The following HMCN2 variants were observed in gnomAD, a reference collection of about 807,000 sequenced individuals.
HMCN2 encodes the protein hemicentin-2.
A neutral mutation model predicts 377.5 loss-of-function variants in HMCN2; 325 were observed. That is an observed-to-expected ratio of 0.86 (90% CI 0.79 to 0.94). The LOEUF is 0.94. HMCN2 is among the 40% of genes least tolerant of loss of function. The pLI, the probability that HMCN2 is intolerant of heterozygous loss-of-function variation, is 0.00. For synonymous variants in HMCN2, 2,007 were observed against 2,046.8 expected (o/e 0.98, Z 0.53); for missense variants, 4,543 against 4,725.3 (o/e 0.96, Z 1.13).
intron 22 of HMCN2, among the ~76,000 whole-genome samples, chr9:130,337,184 C>T (rs1224495417): frequency 4.6e-5 from 7 of 152,194 alleles, no homozygotes; most frequent in Admixed American, 3.9e-4. Context: ...AGCCCAGCTG[C>T]AGGAGCCTGG....
chr9:130,386,575 C>T, intron 61 of HMCN2, 51 bp downstream of exon 61: 4 of 1,190,242 alleles, frequency 3.4e-6, no homozygotes, highest in Non-Finnish European at 4.5e-6. Flanking sequence ...CCTAGCAACA[C>T]CCAGGGCTGC....
Position 130,408,874 on chromosome 9 carries a change from C to A in HMCN2, c.12820C>A (p.Arg4274=), listed in dbSNP as rs749069853. 1 of 1,289,654 alleles carries A rather than the reference C, an allele frequency of 7.8e-7. No homozygotes were observed. Among genetic ancestry groups the A allele is most frequent in the South Asian group, 1.2e-5 (1 of 81,032 alleles). 79.9% of individuals were successfully genotyped at this position (1,289,654 alleles called of 1,614,324 possible). Residue 4274 remains arginine, a synonymous_variant, in exon 84 of 98, where the codon CGG becomes AGG. Transcript: ENST00000683500. ...IHWIKDGLPL[R]GSHLRHQLQN... is the part of the protein sequence containing the mutation. ...CTGGATCAAAGATGGCCTTCCACTG[C>A]GGGGCAGCCACCTCCGGCACCAGCT... is the stretch of plus-strand genomic sequence containing the variant.
intron 92 of HMCN2, among the ~76,000 whole-genome samples, chr9:130,427,943 A>G (rs991581386): frequency 6.6e-6 from 1 of 152,164 alleles, no homozygotes; most frequent in Non-Finnish European, 1.5e-5. Context: ...ATCATTTCCA[A>G]TTGACTGAGA....
At chr9:130,409,402 GC>G (rs1843292360) in intron 84 of HMCN2, among the ~76,000 whole-genome samples, 1 of 152,272 alleles carries the variant, frequency 6.6e-6, no homozygotes, top group South Asian at 2.1e-4. Flanking sequence ...TGTTTCCAAA[GC>G]CTTGGGCCCT....
intron 4 of HMCN2, among the ~76,000 whole-genome samples, chr9:130,288,917 G>T (rs1588177800): frequency 6.6e-6 from 1 of 152,326 alleles, no homozygotes; most frequent in East Asian, 1.9e-4. Context: ...GTCAGAGGCA[G>T]GCAACGTGGC....
At chr9:130,418,142 C>T (rs1176330887) in intron 85 of HMCN2, among the ~76,000 whole-genome samples, 1 of 152,224 alleles carries the variant, frequency 6.6e-6, no homozygotes, top group African/African-American at 2.4e-5. Flanking sequence ...AGCAGTCTAA[C>T]TGTCCTATAG....
At chr9:130,410,831 G>A (rs1464794724) in intron 85 of HMCN2, among the ~76,000 whole-genome samples, 179 bp downstream of exon 85, 1 of 152,140 alleles carries the variant, frequency 6.6e-6, no homozygotes, top group Non-Finnish European at 1.5e-5. Context: ...CTGAGACTCA[G>A]GACTGAGCTA....
chr9:130,429,953 AG>A, intron 94 of HMCN2: 1 of 627,896 alleles, frequency 1.6e-6, no homozygotes. Context: ...GAATTTCAGG[AG>A]GGGGAGGACT....
At chr9:130,335,728 G>A (rs1361114714) in intron 22 of HMCN2, among the ~76,000 whole-genome samples, 1 of 151,876 alleles carries the variant, frequency 6.6e-6, no homozygotes, top group African/African-American at 2.4e-5. Flanking sequence ...TTGGCTCGAG[G>A]TCAGCCTGTA....
At chr9:130,395,889 G>C in intron 71 of HMCN2, 35 bp from the exon 72 acceptor site, 1 of 1,275,510 alleles carries the variant, frequency 7.8e-7, no homozygotes, top group Non-Finnish European at 1.0e-6. Flanking sequence ...GCTGGGCACT[G>C]ATAAGGGTCT....
Position 130,392,253 on chromosome 9 carries a change from G to A in HMCN2, c.10136+135G>A, listed in dbSNP as rs115580557. On this transcript the variant is annotated intron_variant, in intron 66 of 97. Coordinates refer to ENST00000683500, the MANE Select transcript of HMCN2 (RefSeq NM_001291815.2). ...CCACCCCACAGCGAGTGTGGACTGC[G>A]CCCCAGATGCTAATGCTAGGATGGG... 3.2e-4 allele frequency: 183 copies of A among 570,446 alleles called. 1 individual carries two copies. The highest frequency in any genetic ancestry group is 3.1e-3 in the African/African-American group (153 of 49,096). The allele number at this position is 570,446 out of a possible 1,614,324, so 35.3% of individuals were successfully genotyped here.
chr9:130,266,334 C>T (rs1430346919), intron 1 of HMCN2, among the ~76,000 whole-genome samples, 197 bp downstream of exon 1: 3 of 152,220 alleles, frequency 2.0e-5, no homozygotes, highest in Non-Finnish European at 4.4e-5. Flanking sequence ...TCCCTCCCAC[C>T]CCCCTGGAAC....
intron 57 of HMCN2, 55 bp from the exon 58 acceptor site, chr9:130,384,318 T>C: frequency 6.4e-6 from 8 of 1,241,596 alleles, no homozygotes; most frequent in African/African-American, 1.5e-5. Context: ...GGCTCTGTGC[T>C]CCCCTGCTGG....
chr9:130,432,614 G>A (rs747547159), intron 97 of HMCN2, 59 bp downstream of exon 97: 1 of 1,516,120 alleles, frequency 6.6e-7, no homozygotes, highest in Non-Finnish European at 8.9e-7. Context: ...TTCAGTCACT[G>A]GGGGTGCAGG....
chr9:130,429,953 A>G, intron 94 of HMCN2: 1 of 627,896 alleles, frequency 1.6e-6, no homozygotes, highest in South Asian at 2.5e-5. Context: ...GAATTTCAGG[A>G]GGGGGAGGAC....
chr9:130,406,322 G>C, intron 82 of HMCN2, 154 bp downstream of exon 82: 1 of 545,300 alleles, frequency 1.8e-6, no homozygotes, highest in Non-Finnish European at 3.0e-6. Flanking sequence ...TATGTAGGGG[G>C]ACAGGGCAAA....
chr9:130,431,565 C>A, intron 96 of HMCN2, 79 bp downstream of exon 96: 1 of 1,501,904 alleles, frequency 6.7e-7, no homozygotes, highest in Non-Finnish European at 8.9e-7. Context: ...TGGCATCTTA[C>A]CTACTCCGTT....
intron 5 of HMCN2, among the ~76,000 whole-genome samples, 191 bp from the exon 6 acceptor site, chr9:130,295,475 C>T (rs1235087275): frequency 6.6e-6 from 1 of 152,096 alleles, no homozygotes; most frequent in South Asian, 2.1e-4. Flanking sequence ...GCCGGGCACA[C>T]AGTCTGCCCC....
chr9:130,292,601 T>C (rs1554930433), intron 4 of HMCN2, among the ~76,000 whole-genome samples: 1 of 152,234 alleles, frequency 6.6e-6, no homozygotes, highest in African/African-American at 2.4e-5. Flanking sequence ...AATTTTGCTT[T>C]CTCTTTTTTG....
Sources: allele counts gnomAD v4.1 joint callset (sites outside exome capture counted in the v4.1 genomes callset), GRCh38; gene constraint gnomAD v4.1.1; transcripts MANE v1.5; gene names NCBI Gene and HGNC (gene_info 2026-07-23, HGNC 2026-07-21).